The following RAB44 variants were observed in gnomAD, a reference collection of about 807,000 sequenced individuals.
RAB44 encodes the protein RAB44, member RAS oncogene family.
In RAB44, 67 loss-of-function variants were observed where a neutral mutation model predicts 93.3. The observed-to-expected ratio is 0.72, with a 90% CI of 0.59 to 0.88. The LOEUF is 0.88. RAB44 is among the 40% of genes least tolerant of loss of function. The pLI, the probability that RAB44 is intolerant of heterozygous loss-of-function variation, is 0.00. For synonymous variants in RAB44, 427 were observed against 520.3 expected, an observed-to-expected ratio of 0.82 and a Z score of 2.44; for missense variants, 1,064 against 1,261.7, an observed-to-expected ratio of 0.84 and a Z score of 2.37.
intron 1 of RAB44, 84 bp from the exon 2 acceptor site, chr6:36,704,140 G>A (rs1171180692): frequency 1.6e-6 from 2 of 1,234,842 alleles, no homozygotes; most frequent in East Asian, 5.1e-5. Context: ...TCTTCCAAGG[G>A]TGATGGGAGC....
chr6:36,711,928 C>T lies in RAB44; in HGVS notation c.208-1900C>T, dbSNP rs143308340. On this transcript the variant is annotated intron_variant, in intron 2 of 13. Transcript: ENST00000612677. ...AAAAAAAAAAAAAAGAGTTAAAGGC[C>T]TGTCTATTACAGACATATAGATACA... Among the ~76,000 whole-genome samples the T allele has an allele frequency of 1.2e-3, 185 of 151,630 alleles. No individual in the cohort carries two copies. The East Asian group carries it at 0.028, about 23-fold the overall frequency.
At position 36,704,294 on chromosome 6, in the gene RAB44, G is replaced by A. The variant is rs1051840604; in HGVS notation, c.59G>A (p.Arg20Gln). The A allele has an allele frequency of 1.8e-5, 27 of 1,536,028 alleles. No homozygotes were observed. Among genetic ancestry groups the A allele is most frequent in the Non-Finnish European group, 2.0e-5 (23 of 1,146,922 alleles). The change falls in exon 2 of 14, where the codon CGG (arginine) becomes CAG (glutamine). Residue 20 changes from arginine to glutamine, a missense_variant. Transcript: ENST00000612677. Reference protein sequence around the residue: ...KVRKLGSNRRRQTREPADGEG... With the variant: ...KVRKLGSNRRQQTREPADGEG... Reference sequence around the variant, plus strand: ...CGGAAGCTGGGCTCCAACCGGCGGCGGCAGACAAGAGAGCCAGCTGATGGT... The same window carrying A: ...CGGAAGCTGGGCTCCAACCGGCGGCAGCAGACAAGAGAGCCAGCTGATGGT...
At chr6:36,703,586 G>T (rs1762563387) in intron 1 of RAB44, among the ~76,000 whole-genome samples, 1 of 152,138 alleles carries the variant, frequency 6.6e-6, no homozygotes, top group South Asian at 2.1e-4. Context: ...GGGCACAGGG[G>T]TGGGGTGGAT....
intron 1 of RAB44, among the ~76,000 whole-genome samples, chr6:36,698,976 T>C (rs1762449249): frequency 6.6e-6 from 1 of 151,856 alleles, no homozygotes; most frequent in Admixed American, 6.6e-5. Context: ...TTTTAGGTTG[T>C]GCTGTCAGGC....
At chr6:36,723,110 G>A (rs548774045) in intron 9 of RAB44, among the ~76,000 whole-genome samples, 10 of 152,350 alleles carry the variant, frequency 6.6e-5, no homozygotes, top group Admixed American at 2.0e-4. Context: ...AGGCTGGGCA[G>A]CCATGGTCTG....
In RAB44 at chr6:36,717,241, C is replaced by T. The variant is rs1165133733; in HGVS notation, c.495-32C>T. 1.6e-6 allele frequency: 2 copies of T among 1,231,882 alleles called. No individual in the cohort carries two copies. Among genetic ancestry groups the T allele is most frequent in the African/African-American group, 3.1e-5 (2 of 64,388 alleles). The allele number at this position is 1,231,882 out of a possible 1,614,324, so 76.3% of individuals were successfully genotyped here. ...TTCTCCATCCCACCTTGTGTCTGAC[C>T]CTCCCATCTCTGGCTGTCTTCCCCT... On this transcript the variant is annotated intron_variant, in intron 4 of 13. Transcript: ENST00000612677. This position sits in a 1 kb window ranked among gnomAD's most constrained non-coding sequence, Gnocchi z 4.1.
In RAB44 at chr6:36,727,591, C is replaced by G; in HGVS notation, c.2696C>G (p.Thr899Arg). 1 of 1,550,398 alleles carries G rather than the reference C, an allele frequency of 6.4e-7. No individual in the cohort carries two copies. Among genetic ancestry groups the G allele is most frequent in the Non-Finnish European group, 8.7e-7 (1 of 1,146,892 alleles). ...TCTCTGGGCAGGTACCACAGTATGA[C>G]GCGACAGCTGCTCCGCAAGGCTGAC... ...TAGQERYHSM[T>R]RQLLRKADGV... Residue 899 changes from threonine (T) to arginine (R), a missense_variant, in exon 11 of 14, where the codon ACG becomes AGG. Coordinates refer to ENST00000612677, the MANE Select transcript of RAB44 (RefSeq NM_001257357.2).
Position 36,728,906 on chromosome 6 carries a change from G to T in RAB44, c.2898+105G>T, listed in dbSNP as rs890489487. On this transcript the variant is annotated intron_variant, in intron 12 of 13. Transcript: ENST00000612677. ...TGACCTGGGCAGCCGAGAAGAACCC[G>T]TGGCCCATTCCTGCCCCTGCCCCAA... 3 of 934,610 alleles carry T rather than the reference G, an allele frequency of 3.2e-6. No individual in the cohort carries two copies. The South Asian group carries it at 4.4e-5, about 14-fold the overall frequency. 57.9% of individuals were successfully genotyped at this position (934,610 alleles called of 1,614,324 possible).
intron 3 of RAB44, 53 bp downstream of exon 3, chr6:36,713,992 C>A: frequency 8.6e-7 from 1 of 1,162,024 alleles, no homozygotes; most frequent in South Asian, 1.3e-5. Context: ...GTGCAGTGTG[C>A]CCTGCATGGG....
chr6:36,708,085 AC>A (rs1762693277), intron 2 of RAB44, among the ~76,000 whole-genome samples: 1 of 152,038 alleles, frequency 6.6e-6, no homozygotes, highest in Admixed American at 6.6e-5. Context: ...GGTGGTGTGC[AC>A]CTGCAGTCCC....
chr6:36,712,977 G>A (rs940403363), intron 2 of RAB44, among the ~76,000 whole-genome samples: 2 of 152,206 alleles, frequency 1.3e-5, no homozygotes, highest in Non-Finnish European at 2.9e-5. Flanking sequence ...ATTATGCTTG[G>A]GGATTCCCTC....
rs780313650 is a variant in RAB44 at position 36,725,928 on chromosome 6, C to T, written c.2666C>T (p.Thr889Ile). Residue 889 changes from threonine to isoleucine, a missense_variant, in exon 10 of 14, where the codon ACA becomes ATA. Transcript: ENST00000612677. The part of the protein sequence containing the change: ...NKCFVLQLWD[T>I]AGQERYHSMT... ...TGCTTTGTGCTGCAGCTCTGGGACA[C>T]AGCTGGCCAAGAGAGGTAACAGGCA... 50 of 1,550,518 alleles carry T rather than the reference C, an allele frequency of 3.2e-5. No individual in the cohort carries two copies. The Middle Eastern group carries it at 1.7e-3, about 52-fold the overall frequency.
Position 36,731,996 on chromosome 6 carries a change from C to T in RAB44, c.2976-7C>T. 1 of 1,233,816 alleles carries T rather than the reference C, an allele frequency of 8.1e-7. No homozygotes were observed. The highest frequency in any genetic ancestry group is 2.2e-4 in the Middle Eastern group (1 of 4,504). 76.4% of individuals were successfully genotyped at this position (1,233,816 alleles called of 1,614,324 possible). A position where few individuals can be genotyped will look rare whatever the true frequency, so the allele number is the denominator to read the frequency against. ...AGAGAGGCCTGATGCCTGGCACTGTCACATAGGTCACTCAGGATGCAAGAA... is the reference window on the plus strand; with the variant it reads ...AGAGAGGCCTGATGCCTGGCACTGTTACATAGGTCACTCAGGATGCAAGAA... On this transcript the variant is annotated splice_region_variant and splice_polypyrimidine_tract_variant and intron_variant, in intron 13 of 13. Coordinates refer to ENST00000612677, the MANE Select transcript of RAB44 (RefSeq NM_001257357.2). The surrounding 1 kb of genome is among the most constrained non-coding windows in gnomAD (Gnocchi z 4.0).
chr6:36,715,731 G>C (rs1212738751), intron 4 of RAB44, 78 bp downstream of exon 4: 1 of 1,431,528 alleles, frequency 7.0e-7, no homozygotes, highest in East Asian at 2.5e-5. Flanking sequence ...ACACAGCAGG[G>C]GTCAAGGGGG....
Position 36,721,866 on chromosome 6 carries a change from G to T in RAB44, c.1732G>T (p.Gly578Cys). 1 of 1,235,116 alleles carries T rather than the reference G, an allele frequency of 8.1e-7. No homozygotes were observed. The highest frequency in any genetic ancestry group is 1.0e-6 in the Non-Finnish European group (1 of 988,842). 76.5% of individuals were successfully genotyped at this position (1,235,116 alleles called of 1,614,324 possible). Residue 578 changes from glycine to cysteine, a missense_variant, in exon 9 of 14, where the codon GGC (glycine) becomes TGC (cysteine). Coordinates refer to ENST00000612677, the MANE Select transcript of RAB44 (RefSeq NM_001257357.2). ...ACCCACAACTGCCCTCACAGGAGTG[G>T]GCCCAGCCAAGCCGCCCAGGCAGAG... ...PSPTTALTGV[G>C]PAKPPRQRDA...
At chr6:36,709,625 A>G (rs1762732800) in intron 2 of RAB44, among the ~76,000 whole-genome samples, 1 of 151,990 alleles carries the variant, frequency 6.6e-6, no homozygotes, top group African/African-American at 2.4e-5. Flanking sequence ...GCGCAATCTC[A>G]GCTCACTGCA....
At chr6:36,725,696 G>T in intron 9 of RAB44, 166 bp from the exon 10 acceptor site, 1 of 597,726 alleles carries the variant, frequency 1.7e-6, no homozygotes, top group Non-Finnish European at 3.2e-6. Flanking sequence ...CTTGGAGGAA[G>T]TGGGTCCTCG....
rs1388300235 is a variant in RAB44, at chr6:36,704,257, T to A, written c.22T>A (p.Ser8Thr). Residue 8 changes from serine (S) to threonine (T), a missense_variant, in exon 2 of 14, where the codon TCT becomes ACT. Transcript: ENST00000612677. METGQRT[S>T]RKVRKLGSNR... is the part of the protein sequence containing the mutation. ...CACCATGGAGACTGGACAGAGAACA[T>A]CTCGAAAAGTCCGGAAGCTGGGCTC... 4 of 1,535,856 alleles carry A rather than the reference T, an allele frequency of 2.6e-6. No individual in the cohort carries two copies. The highest frequency in any genetic ancestry group is 2.0e-5 in the Admixed American group (1 of 50,974).
intron 1 of RAB44, among the ~76,000 whole-genome samples, chr6:36,702,339 A>AGAGAGAGAGAGAG (rs1554187154): frequency 2.2e-4 from 7 of 32,080 alleles, no homozygotes; most frequent in African/African-American, 6.8e-4. Context: ...AGAGAGAGAG[A>AGAGAGAGAGAGAG]ATGTACTTCT....
Sources: gnomAD v4.1 joint callset for allele counts (sites outside exome capture counted in the v4.1 genomes callset) on GRCh38, gnomAD v4.1.1 for gene constraint, Gnocchi (gnomAD v3.1) non-coding constraint, MANE v1.5 for transcripts, NCBI Gene and HGNC (gene_info 2026-07-23, HGNC 2026-07-21) for gene names.